ESPNL: variants seen among roughly 807,000 people sequenced by gnomAD.
ESPNL encodes the protein espin like.
In ESPNL, 49 loss-of-function variants were observed where a neutral mutation model predicts 46.8. The observed-to-expected ratio is 1.05, with a 90% CI of 0.83 to 1.33. The LOEUF (loss-of-function observed/expected upper bound fraction) is 1.33. ESPNL is among the 40% of genes most tolerant of loss of function. The pLI is 0.00. For synonymous variants in ESPNL, 664 were observed against 662.1 expected, an observed-to-expected ratio of 1.00 and a Z score of -0.04; for missense variants, 1,540 against 1,436.6, an observed-to-expected ratio of 1.07 and a Z score of -1.16.
chr2:238,126,622 T>C (rs1219951693), intron 6 of ESPNL, among the ~76,000 whole-genome samples: 1 of 151,002 alleles, frequency 6.6e-6, no homozygotes, highest in African/African-American at 2.5e-5. Context: ...TGTCCGTGTC[T>C]GTGTGTCTGT....
intron 6 of ESPNL, among the ~76,000 whole-genome samples, chr2:238,126,955 G>A (rs1692145710): frequency 8.6e-6 from 1 of 116,766 alleles, no homozygotes; most frequent in African/African-American, 3.2e-5. Flanking sequence ...CACTGTTATT[G>A]TGTGTCTGTG....
chr2:238,122,079 A>G (rs981529156), intron 5 of ESPNL, among the ~76,000 whole-genome samples: 1 of 152,266 alleles, frequency 6.6e-6, no homozygotes, highest in East Asian at 1.9e-4. Context: ...AACCAGGGAC[A>G]GCGACAGCGG....
At chr2:238,115,557 A>C (rs1180971402) in intron 4 of ESPNL, among the ~76,000 whole-genome samples, 1 of 152,196 alleles carries the variant, frequency 6.6e-6, no homozygotes. Flanking sequence ...ACGGCATGGC[A>C]CACCCGCCGC....
chr2:238,126,553 CTG>C (rs1331973873), intron 6 of ESPNL, among the ~76,000 whole-genome samples: 3 of 135,922 alleles, frequency 2.2e-5, no homozygotes, highest in Non-Finnish European at 3.2e-5. Flanking sequence ...CTGTGTGTAT[CTG>C]TGTGATTGTG....
chr2:238,128,664 T>C, intron 7 of ESPNL, 43 bp from the exon 8 acceptor site: 3 of 1,542,494 alleles, frequency 1.9e-6, no homozygotes, highest in Non-Finnish European at 2.6e-6. Context: ...ACTCAGGGCC[T>C]GGGTCCCCTT....
In ESPNL at chr2:238,104,801, G is replaced by A. The variant is rs757320284; in HGVS notation, c.631G>A (p.Ala211Thr). 8 of 1,563,550 alleles carry A rather than the reference G, an allele frequency of 5.1e-6. No individual in the cohort carries two copies. Among genetic ancestry groups the A allele is most frequent in the East Asian group, 2.4e-5 (1 of 41,990 alleles). The change falls in exon 3 of 9, where the codon GCT (alanine) becomes ACT (threonine). Residue 211 changes from alanine (A) to threonine (T), a missense_variant. Ala to Thr is a moderately conservative substitution (Grantham distance 58). Transcript: ENST00000343063. Reference protein sequence around the residue: ...RALDGMSALHAAAARGHYSLV... With the variant: ...RALDGMSALHTAAARGHYSLV... The stretch of plus-strand genomic sequence containing the variant: ...TCTCGATGGCATGAGCGCCCTGCAC[G>A]CTGCCGCCGCCCGTGGCCACTACTC...
chr2:238,116,183 C>G (rs1347223118), intron 4 of ESPNL, among the ~76,000 whole-genome samples: 2 of 152,200 alleles, frequency 1.3e-5, no homozygotes, highest in African/African-American at 4.8e-5. Context: ...TTCTTGAGGT[C>G]CCCCGTCCCT....
intron 8 of ESPNL, chr2:238,129,152 A>G (rs959526498): frequency 2.1e-6 from 3 of 1,397,682 alleles, no homozygotes; most frequent in Non-Finnish European, 2.8e-6. Context: ...GATTTGTGGC[A>G]CATGCCTGCC....
At chr2:238,111,012 G>C (rs1197948640) in intron 4 of ESPNL, among the ~76,000 whole-genome samples, 1 of 145,106 alleles carries the variant, frequency 6.9e-6, no homozygotes, top group Non-Finnish European at 1.5e-5. Context: ...GAGTGCAGAG[G>C]CTCGATCTCT....
intron 5 of ESPNL, among the ~76,000 whole-genome samples, chr2:238,124,453 C>G (rs969405469): frequency 3.9e-5 from 6 of 152,216 alleles, no homozygotes; most frequent in Non-Finnish European, 8.8e-5. Flanking sequence ...GCCATCCACC[C>G]CCAAGACACT....
Position 238,131,463 on chromosome 2 carries a change from G to A in ESPNL, c.2749G>A (p.Asp917Asn), listed in dbSNP as rs140616772. 337 of 1,611,346 alleles carry A rather than the reference G, an allele frequency of 2.1e-4. 3 individuals are homozygous for A. The South Asian group carries it at 3.1e-3, about 15-fold the overall frequency. ...GGCCGCCGGCCGCCGGGCCTGGACC[G>A]ACGGCTTCGAGGACATCAAAGCCCG... ...EVAAGRRAWT[D>N]GFEDIKARFF... Residue 917 changes from aspartate to asparagine, a missense_variant, in exon 9 of 9, where the codon GAC becomes AAC. Transcript: ENST00000343063.
At chr2:238,127,826 A>G (rs1692175887) in intron 7 of ESPNL, 92 bp downstream of exon 7, 15 of 971,470 alleles carry the variant, frequency 1.5e-5, no homozygotes, top group Non-Finnish European at 2.3e-5. Context: ...CCCCCAGCAC[A>G]GCCAGGCCTT....
chr2:238,101,906 A>T (rs1559257034), intron 1 of ESPNL, 35 bp from the exon 2 acceptor site: 62 of 1,547,022 alleles, frequency 4.0e-5, no homozygotes, highest in Non-Finnish European at 5.4e-5. Context: ...CTCACGGCCT[A>T]CCCCCCACTC....
In ESPNL at chr2:238,125,359, A is replaced by C. The variant is rs531640926; in HGVS notation, c.1077A>C (p.Gly359=). Residue 359 remains glycine (G), a synonymous_variant, in exon 6 of 9, where the codon GGA becomes GGC. Transcript: ENST00000343063. ...TRRSLEDGRR[G]GPGPGNPSPM... is the part of the protein sequence containing the mutation. ...GCTCCCTGGAGGATGGAAGAAGAGG[A>C]GGCCCAGGGCCAGGGAACCCCAGCC... 7 of 1,568,174 alleles carry C rather than the reference A, an allele frequency of 4.5e-6. No homozygotes were observed. The South Asian group carries it at 4.7e-5, about 11-fold the overall frequency.
Position 238,100,596 on chromosome 2 carries a change from C to T in ESPNL, c.177C>T (p.Ala59=), listed in dbSNP as rs1338384374. The T allele has an allele frequency of 1.3e-6, 2 of 1,530,512 alleles. No individual in the cohort carries two copies. Among genetic ancestry groups the T allele is most frequent in the African/African-American group, 1.4e-5 (1 of 71,842 alleles). 94.8% of individuals were successfully genotyped at this position (1,530,512 alleles called of 1,614,324 possible). The part of the protein sequence containing the change: ...LDCVKFLVQR[A]QLPGNQRAHN... The stretch of plus-strand genomic sequence containing the variant: ...GCGTCAAGTTCTTGGTGCAGCGGGC[C>T]CAGCTGCCCGGCAACCAGCGGGCCC... The change falls in exon 1 of 9, where the codon GCC becomes GCT. Residue 59 remains alanine (A), a synonymous_variant. Transcript: ENST00000343063.
chr2:238,119,052 A>ATGGAAGAGGATTG (rs1691907646), intron 5 of ESPNL, among the ~76,000 whole-genome samples: 2 of 117,896 alleles, frequency 1.7e-5, no homozygotes, highest in African/African-American at 3.5e-5. Context: ...AGGAGGAATG[A>ATGGAAGAGGATTG]ATGGAAGAGG....
At chr2:238,120,387 G>C (rs1033478583) in intron 5 of ESPNL, among the ~76,000 whole-genome samples, 21 of 152,212 alleles carry the variant, frequency 1.4e-4, no homozygotes, top group Non-Finnish European at 2.9e-4. Context: ...CCTGGCACAA[G>C]GGAACAGCCC....
chr2:238,126,969 ATGTGTGTGATTGTGTCTATC>A (rs1692146962), intron 6 of ESPNL, among the ~76,000 whole-genome samples: 1 of 82,526 alleles, frequency 1.2e-5, no homozygotes, highest in Non-Finnish European at 2.3e-5. Flanking sequence ...GTCTGTGTGT[ATGTGTGTGATTGTGTCTATC>A]TGTGTGTGAT....
At chr2:238,113,717 G>A (rs935202251) in intron 4 of ESPNL, among the ~76,000 whole-genome samples, 10 of 152,140 alleles carry the variant, frequency 6.6e-5, no homozygotes, top group Admixed American at 4.6e-4. Flanking sequence ...CCTGGCTGGC[G>A]TCTGGCTTCC....
Sources: gnomAD v4.1 joint callset for allele counts (sites outside exome capture counted in the v4.1 genomes callset) on GRCh38, gnomAD v4.1.1 for gene constraint, MANE v1.5 for transcripts, NCBI Gene and HGNC (gene_info 2026-07-23, HGNC 2026-07-21) for gene names.